The following CFAP61 variants were observed in gnomAD, a reference collection of about 807,000 sequenced individuals.
CFAP61 encodes the protein cilia and flagella associated protein 61, also known as cilia- and flagella-associated protein 61.
A neutral mutation model predicts 135.6 loss-of-function variants in CFAP61; 107 were observed. That is an observed-to-expected ratio of 0.79 (90% CI 0.67 to 0.93). The LOEUF is 0.93. Among genes scored for constraint, CFAP61 ranks in the 40% least tolerant of loss-of-function variants. The pLI is 0.00. For synonymous variants in CFAP61, 575 were observed against 578.5 expected, an observed-to-expected ratio of 0.99 and a Z score of 0.09; for missense variants, 1,507 against 1,556.2, an observed-to-expected ratio of 0.97 and a Z score of 0.53.
chr20:20,121,162 G>A (rs556212135), intron 8 of CFAP61, among the ~76,000 whole-genome samples: 14 of 142,850 alleles, frequency 9.8e-5, no homozygotes, highest in Admixed American at 4.3e-4. Context: ...GCTGGAGTGC[G>A]GTGGCACCAT....
intron 13 of CFAP61, chr20:20,171,939 G>A: frequency 2.1e-6 from 1 of 486,088 alleles, no homozygotes; most frequent in South Asian, 4.1e-5. Context: ...AGGGAAGGGT[G>A]GAATGAGAAA....
chr20:20,142,783 GCTGT>G (rs1464624254), intron 8 of CFAP61, 70 bp from the exon 9 acceptor site: 1 of 817,920 alleles, frequency 1.2e-6, no homozygotes, highest in African/African-American at 1.7e-5. Context: ...ATGTGACCAT[GCTGT>G]CTAATTTCCT....
chr20:20,251,529 C>T (rs1405620225), intron 19 of CFAP61, 66 bp from the exon 20 acceptor site: 1 of 1,518,858 alleles, frequency 6.6e-7, no homozygotes, highest in Non-Finnish European at 9.0e-7. Context: ...ACCAGCTCAC[C>T]AGATGTCTAA....
Position 20,288,795 on chromosome 20 carries a change from A to G in CFAP61, c.2983A>G (p.Ser995Gly), listed in dbSNP as rs1447003661. The G allele has an allele frequency of 1.2e-6, 2 of 1,614,100 alleles. No individual in the cohort carries two copies. Among genetic ancestry groups the G allele is most frequent in the African/African-American group, 2.7e-5 (2 of 74,930 alleles). Reference sequence around the variant, plus strand: ...ATACTACTCAAATGAGTGGACTCACAGCAACTTCAGTTCCAAAGAAATTGG... The same window carrying G: ...ATACTACTCAAATGAGTGGACTCACGGCAACTTCAGTTCCAAAGAAATTGG... ...NRYYSNEWTHSNFSSKEIGFQ... is the reference protein window; with the variant it reads ...NRYYSNEWTHGNFSSKEIGFQ... Residue 995 changes from serine to glycine, a missense_variant, in exon 23 of 27, where the codon AGC becomes GGC. Physicochemically the swap from Ser to Gly is moderately conservative, Grantham distance 56. Coordinates refer to ENST00000245957, the MANE Select transcript of CFAP61 (RefSeq NM_015585.4).
intron 21 of CFAP61, among the ~76,000 whole-genome samples, chr20:20,266,573 A>G (rs2052759371): frequency 6.6e-6 from 1 of 152,192 alleles, no homozygotes; most frequent in Non-Finnish European, 1.5e-5. Flanking sequence ...CATTCGGCCT[A>G]CCTGGAAATA....
At chr20:20,209,295 C>T (rs1472308316) in intron 17 of CFAP61, among the ~76,000 whole-genome samples, 1 of 152,076 alleles carries the variant, frequency 6.6e-6, no homozygotes, top group Admixed American at 6.6e-5. Flanking sequence ...CCATATCTGC[C>T]CTTATTATTT....
intron 9 of CFAP61, among the ~76,000 whole-genome samples, chr20:20,157,499 A>G (rs1454927744): frequency 6.6e-6 from 1 of 152,252 alleles, no homozygotes. Flanking sequence ...TTTTTGACAA[A>G]GGCACATGGC....
At chr20:20,289,652 C>T (rs535471410) in intron 23 of CFAP61, among the ~76,000 whole-genome samples, 38 of 152,314 alleles carry the variant, frequency 2.5e-4, no homozygotes, top group African/African-American at 8.4e-4. Flanking sequence ...ATTACAGAGA[C>T]GAAAGCCCCA....
Position 20,156,605 on chromosome 20 carries a change from C to G in CFAP61, c.952-2765C>G, listed in dbSNP as rs117214116. Among the ~76,000 whole-genome samples, 1,106 of 152,100 alleles carry G rather than the reference C, an allele frequency of 7.3e-3. 8 individuals are homozygous for G. The highest frequency in any genetic ancestry group is 9.6e-3 in the Non-Finnish European group (651 of 67,970). ...AATAATTAAGACTATCTTTCACTCA[C>G]AGACAACATGACTACCTATGAAAAA... On this transcript the variant is annotated intron_variant, in intron 9 of 26. Transcript: ENST00000245957.
At chr20:20,251,881 G>A in intron 20 of CFAP61, 118 bp downstream of exon 20, 1 of 1,090,312 alleles carries the variant, frequency 9.2e-7, no homozygotes, top group Non-Finnish European at 1.3e-6. Context: ...CTGGACAGCT[G>A]CTGCTCTAAA....
At chr20:20,328,674 A>G (rs946332774) in intron 25 of CFAP61, among the ~76,000 whole-genome samples, 4 of 152,238 alleles carry the variant, frequency 2.6e-5, no homozygotes, top group Non-Finnish European at 5.9e-5. Context: ...TAATGAAGTC[A>G]TATAACTCAA....
chr20:20,085,563 G>A lies in CFAP61; in HGVS notation c.567-5281G>A, dbSNP rs73605574. 14,240 of 1,349,964 alleles carry A rather than the reference G, an allele frequency of 0.011. 1,231 individuals are homozygous for A. The East Asian group carries it at 0.18, about 17-fold the overall frequency. 83.6% of individuals were successfully genotyped at this position (1,349,964 alleles called of 1,614,324 possible). A position where few individuals can be genotyped will look rare whatever the true frequency, so the allele number is the denominator to read the frequency against. On this transcript the variant is annotated intron_variant, in intron 6 of 26. Coordinates refer to ENST00000245957, the MANE Select transcript of CFAP61 (RefSeq NM_015585.4). ...TATGATTATGGATAACTTTGTTAAC[G>A]GGCTGCTGAGGTTCATGAGCAGGCC...
chr20:20,085,804 C>T (rs758794596), intron 6 of CFAP61, among the ~76,000 whole-genome samples: 30 of 152,240 alleles, frequency 2.0e-4, no homozygotes, highest in Non-Finnish European at 3.2e-4. Context: ...TTTGGCAAAA[C>T]GTTTGAAAAT....
chr20:20,206,606 A>G (rs2056867535), intron 17 of CFAP61, among the ~76,000 whole-genome samples: 2 of 151,854 alleles, frequency 1.3e-5, no homozygotes, highest in Admixed American at 6.6e-5. Flanking sequence ...TCTCTTTTTT[A>G]TTGTTGACTA....
At chr20:20,168,960 G>A (rs2054026312) in intron 12 of CFAP61, among the ~76,000 whole-genome samples, 1 of 152,194 alleles carries the variant, frequency 6.6e-6, no homozygotes, top group East Asian at 1.9e-4. Context: ...TAAGCAAGGG[G>A]CCTTTGCTAG....
chr20:20,327,382 A>G (rs949082753), intron 25 of CFAP61, among the ~76,000 whole-genome samples: 5 of 152,218 alleles, frequency 3.3e-5, no homozygotes, highest in Non-Finnish European at 1.5e-5. Flanking sequence ...GAGAAACTAA[A>G]TCAGGAACTT....
chr20:20,200,877 G>C, intron 17 of CFAP61: 1 of 985,386 alleles, frequency 1.0e-6, no homozygotes, highest in Non-Finnish European at 1.2e-6. Flanking sequence ...GACCAACTCA[G>C]AGGCAGCTTT....
chr20:20,271,745 CAG>C (rs1199971997), intron 21 of CFAP61, among the ~76,000 whole-genome samples: 3 of 152,198 alleles, frequency 2.0e-5, no homozygotes, highest in Admixed American at 1.3e-4. Flanking sequence ...GGAATCCACC[CAG>C]AGTGTTCTTA....
At position 20,249,356 on chromosome 20, in the gene CFAP61, G is replaced by A. The variant is rs535017938; in HGVS notation, c.2160-2239G>A. ...TTGAAGACCAGCCTGGGCAACGTAG[G>A]GAGAGTCCCATTTCTACAAAAAAAA... On this transcript the variant is annotated intron_variant, in intron 19 of 26. Coordinates refer to ENST00000245957, the MANE Select transcript of CFAP61 (RefSeq NM_015585.4). Among the ~76,000 whole-genome samples, 6 of 152,024 alleles carry A rather than the reference G, an allele frequency of 3.9e-5. No individual in the cohort carries two copies. The East Asian group carries it at 1.2e-3, about 29-fold the overall frequency.
Sources: gnomAD v4.1 joint callset for allele counts (sites outside exome capture counted in the v4.1 genomes callset) on GRCh38, gnomAD v4.1.1 for gene constraint, MANE v1.5 for transcripts, NCBI Gene and HGNC (gene_info 2026-07-23, HGNC 2026-07-21) for gene names.